Variants in XDH observed in about 807,000 individuals in gnomAD.
XDH encodes the protein xanthine dehydrogenase/oxidase.
In XDH, 138 loss-of-function variants were observed where a neutral mutation model predicts 156.1. The observed-to-expected ratio is 0.88, with a 90% CI of 0.77 to 1.02. The LOEUF is 1.02. Ranked by LOEUF, XDH falls within the 50% of genes least tolerant of loss-of-function variation. The pLI is 0.00. For missense variants in XDH, 1,849 were observed against 1,684.9 expected (o/e 1.10, Z -1.71); for synonymous variants, 669 against 625.7 (o/e 1.07, Z -1.03).
chr2:31,342,032 C>G (rs10084228), intron 32 of XDH, 151 bp downstream of exon 32: 1 of 709,554 alleles, frequency 1.4e-6, no homozygotes, highest in African/African-American at 1.8e-5. Flanking sequence ...AAAACACTTA[C>G]TCTGTGGCCC....
chr2:31,377,548 C>T (rs1006083975), intron 13 of XDH, among the ~76,000 whole-genome samples: 1 of 152,108 alleles, frequency 6.6e-6, no homozygotes, highest in African/African-American at 2.4e-5. Context: ...AAGAAGGGTG[C>T]TTTCACAAAG....
chr2:31,376,755 CATA>C (rs1171526374), intron 14 of XDH, among the ~76,000 whole-genome samples: 1 of 144,658 alleles, frequency 6.9e-6, no homozygotes, highest in Non-Finnish European at 1.5e-5. Context: ...TAGTAGCAAT[CATA>C]ATATTAATTA....
chr2:31,381,696 G>T lies in XDH; in HGVS notation c.1069C>A (p.Pro357Thr). 6.2e-7 allele frequency: 1 copy of T among 1,613,944 alleles called. No homozygotes were observed. The highest frequency in any genetic ancestry group is 8.5e-7 in the Non-Finnish European group (1 of 1,179,966). Reference protein sequence around the residue: ...SVGGNIITASPISDLNPVFMA... With the variant: ...SVGGNIITASTISDLNPVFMA... The stretch of plus-strand genomic sequence containing the variant: ...AACACGGGGTTGAGGTCGGAGATGG[G>T]GCTGGCAGTGATGATGTTCCCTCCA... Residue 357 changes from proline to threonine, a missense_variant, in exon 12 of 36, where the codon CCC (proline) becomes ACC (threonine). By Grantham distance (38) the Pro-to-Thr change is conservative. Coordinates refer to ENST00000379416, the MANE Select transcript of XDH (RefSeq NM_000379.4).
At chr2:31,344,343 A>T (rs1349551630) in intron 31 of XDH, among the ~76,000 whole-genome samples, 1 of 152,178 alleles carries the variant, frequency 6.6e-6, no homozygotes, top group East Asian at 1.9e-4. Context: ...ACACTGAGGG[A>T]GGAATGGTTA....
intron 24 of XDH, among the ~76,000 whole-genome samples, chr2:31,354,750 T>G (rs1490732911): frequency 6.6e-6 from 1 of 151,762 alleles, no homozygotes; most frequent in African/African-American, 2.4e-5. Flanking sequence ...ATATTGAGAA[T>G]ATGGAATGAA....
rs1266791316 is a variant in XDH at position 31,341,405 on chromosome 2, C to A, written c.3520-11G>T. On this transcript the variant is annotated splice_polypyrimidine_tract_variant and intron_variant, in intron 32 of 35. Transcript: ENST00000379416. Reference sequence around the variant, plus strand: ...ATCTGTGCGGAGGTTCTAGAGTAGACAGCAAAATTACAAGAAGTTAGAGGA... The same window carrying A: ...ATCTGTGCGGAGGTTCTAGAGTAGAAAGCAAAATTACAAGAAGTTAGAGGA... 6.4e-7 allele frequency: 1 copy of A among 1,569,844 alleles called. No individual in the cohort carries two copies. Among genetic ancestry groups the A allele is most frequent in the Non-Finnish European group, 8.7e-7 (1 of 1,154,644 alleles).
At chr2:31,409,660 C>T (rs759137794) in intron 1 of XDH, among the ~76,000 whole-genome samples, 10 of 152,200 alleles carry the variant, frequency 6.6e-5, no homozygotes, top group Admixed American at 1.3e-4. Context: ...CTGAACATCA[C>T]TAATCAGAAC....
At chr2:31,378,286 G>A (rs537619967) in intron 13 of XDH, among the ~76,000 whole-genome samples, 24 of 151,932 alleles carry the variant, frequency 1.6e-4, no homozygotes, top group Admixed American at 9.8e-4. Context: ...TCCTGGGTTC[G>A]AGCCAGGATC....
chr2:31,381,863 T>C, intron 11 of XDH, 137 bp from the exon 12 acceptor site: 1 of 760,282 alleles, frequency 1.3e-6, no homozygotes, highest in Non-Finnish European at 2.3e-6. Flanking sequence ...GTAGTCACAA[T>C]ACCAGCATAG....
chr2:31,364,551 G>A (rs1390985623), intron 23 of XDH, among the ~76,000 whole-genome samples: 3 of 152,052 alleles, frequency 2.0e-5, no homozygotes, highest in African/African-American at 7.2e-5. Flanking sequence ...GTTGGAAAGA[G>A]AAGGCTGGTC....
chr2:31,351,006 G>T (rs1685463611), intron 24 of XDH, among the ~76,000 whole-genome samples: 2 of 152,110 alleles, frequency 1.3e-5, no homozygotes, highest in Admixed American at 1.3e-4. Flanking sequence ...TACGTCTCTA[G>T]ATAATGTGGC....
At chr2:31,340,964 T>C (rs1685108410) in intron 33 of XDH, among the ~76,000 whole-genome samples, 2 of 152,172 alleles carry the variant, frequency 1.3e-5, no homozygotes, top group African/African-American at 4.8e-5. Context: ...AGAAAACTCT[T>C]CTGACCTCAG....
chr2:31,368,776 T>A (rs974484474), intron 18 of XDH, 116 bp from the exon 19 acceptor site: 1 of 1,585,570 alleles, frequency 6.3e-7, no homozygotes, highest in Non-Finnish European at 8.6e-7. Context: ...AAGCACACTT[T>A]AGGAATGCCC....
At position 31,368,644 on chromosome 2, in the gene XDH, T is replaced by C. The variant is rs776912471; in HGVS notation, c.1997A>G (p.His666Arg). Residue 666 changes from histidine (H) to arginine (R), a missense_variant, in exon 19 of 36, where the codon CAT (histidine) becomes CGT (arginine). By Grantham distance (29) the His-to-Arg change is conservative. Coordinates refer to ENST00000379416, the MANE Select transcript of XDH (RefSeq NM_000379.4). The part of the protein sequence containing the change: ...FAKDKVTCVG[H>R]IIGAVVADTP... ...GTCAGCAACCACAGCACCAATGATATGCCCAACACAAGTAACCTAGTAGCA... is the reference window on the plus strand; with the variant it reads ...GTCAGCAACCACAGCACCAATGATACGCCCAACACAAGTAACCTAGTAGCA... 6.2e-7 allele frequency: 1 copy of C among 1,614,182 alleles called. No individual in the cohort carries two copies. Among genetic ancestry groups the C allele is most frequent in the Non-Finnish European group, 8.5e-7 (1 of 1,180,024 alleles).
In XDH at chr2:31,348,316, G is replaced by A. The variant is rs1322082861; in HGVS notation, c.3099C>T (p.Thr1033=). The change falls in exon 28 of 36, where the codon ACC becomes ACT. Residue 1033 remains threonine, a synonymous_variant. Coordinates refer to ENST00000379416, the MANE Select transcript of XDH (RefSeq NM_000379.4). ...CTTGGCCCATCTCAGTCCCCCCGTGGGTCAGCAGCACAGAGCCATCTGTGT... is the reference window on the plus strand; with the variant it reads ...CTTGGCCCATCTCAGTCCCCCCGTGAGTCAGCAGCACAGAGCCATCTGTGT... ...HVYTDGSVLL[T]HGGTEMGQGL... 6.2e-7 allele frequency: 1 copy of A among 1,614,182 alleles called. No individual in the cohort carries two copies. Among genetic ancestry groups the A allele is most frequent in the South Asian group, 1.1e-5 (1 of 91,082 alleles).
rs1686233029 is a variant in XDH at position 31,375,947 on chromosome 2, A to G, written c.1428-393T>C. On this transcript the variant is annotated intron_variant, in intron 14 of 35. Transcript: ENST00000379416. ...TTAAGTAACTTGACTTATGTTATCT[A>G]TTTGGTAAATGACAAAGCCAGGAAT... Among the ~76,000 whole-genome samples the G allele has an allele frequency of 1.3e-5, 2 of 152,330 alleles. 1 individual carries two copies. Among genetic ancestry groups the G allele is most frequent in the Admixed American group, 1.3e-4 (2 of 15,304 alleles).
At chr2:31,370,629 T>C (rs893793863) in intron 17 of XDH, 151 bp from the exon 18 acceptor site, 21 of 1,091,732 alleles carry the variant, frequency 1.9e-5, no homozygotes, top group African/African-American at 1.6e-4. Flanking sequence ...TCTAATTCAA[T>C]TATATCCTAT....
At chr2:31,397,111 G>GT (rs1342771019) in intron 6 of XDH, among the ~76,000 whole-genome samples, 1 of 152,210 alleles carries the variant, frequency 6.6e-6, no homozygotes, top group Non-Finnish European at 1.5e-5. Context: ...GCAGGTGTGT[G>GT]TATGTGTTTA....
chr2:31,371,877 G>C (rs1389886780), intron 17 of XDH, among the ~76,000 whole-genome samples: 1 of 152,166 alleles, frequency 6.6e-6, no homozygotes, highest in Non-Finnish European at 1.5e-5. Context: ...CAGGGTATGT[G>C]TCTAACGCCC....
Sources: gnomAD v4.1 joint callset for allele counts (sites outside exome capture counted in the v4.1 genomes callset) on GRCh38, gnomAD v4.1.1 for gene constraint, MANE v1.5 for transcripts, NCBI Gene and HGNC (gene_info 2026-07-23, HGNC 2026-07-21) for gene names.